Variants in SLC66A2 observed in about 807,000 individuals in gnomAD.
SLC66A2 encodes solute carrier family 66 member 2, also known as PQ loop repeat containing 1.
In SLC66A2, 23 loss-of-function variants were observed where a neutral mutation model predicts 25.5. That is an observed-to-expected ratio of 0.90 (90% CI 0.65 to 1.28). The LOEUF is 1.28. SLC66A2 is among the 50% of genes most tolerant of loss of function. The pLI is 0.00. For missense variants in SLC66A2, 396 were observed against 373.1 expected, an observed-to-expected ratio of 1.06 and a Z score of -0.51; for synonymous variants, 193 against 166.5, an observed-to-expected ratio of 1.16 and a Z score of -1.23.
At chr18:79,942,694 A>G (rs1376876188) in intron 3 of SLC66A2, among the ~76,000 whole-genome samples, 1 of 152,160 alleles carries the variant, frequency 6.6e-6, no homozygotes, top group East Asian at 1.9e-4. Flanking sequence ...GCATGTTCAA[A>G]CAGAGTTCAG....
rs1256150321 is a variant in SLC66A2, at chr18:79,918,179, G to T, written c.608+1005C>A. 6.6e-6 allele frequency among the ~76,000 whole-genome samples: 1 copy of T among 152,160 alleles called. No homozygotes were observed. Among genetic ancestry groups the T allele is most frequent in the African/African-American group, 2.4e-5 (1 of 41,422 alleles). On this transcript the variant is annotated intron_variant, in intron 5 of 5. Transcript: ENST00000397778. The surrounding 1 kb of genome is among the most constrained non-coding windows in gnomAD (Gnocchi z 4.0). ...ACGCCAAACCTGCAAATACTCAGAG[G>T]TCTCTGAAAGCCCTCAAGAGAGTGC...
chr18:79,940,313 T>C lies in SLC66A2; in HGVS notation c.337+3016A>G, dbSNP rs1045765931. ...TTAATACCTGGGTGATGAAATAATCTGCACACTGGCCGGGCGCAGTGGGTC... is the reference window on the plus strand; with the variant it reads ...TTAATACCTGGGTGATGAAATAATCCGCACACTGGCCGGGCGCAGTGGGTC... On this transcript the variant is annotated intron_variant, in intron 3 of 5. Transcript: ENST00000397778. The surrounding 1 kb of genome is among the most constrained non-coding windows in gnomAD (Gnocchi z 4.1). Among the ~76,000 whole-genome samples the C allele has an allele frequency of 2.0e-5, 3 of 152,072 alleles. No homozygotes were observed. Among genetic ancestry groups the C allele is most frequent in the Admixed American group, 2.0e-4 (3 of 15,262 alleles).
rs988070963 is a variant in SLC66A2, at chr18:79,917,215, G to A, written c.608+1969C>T. ...GGCCAGCATCTGGAAACTCGGGTTT[G>A]AAGAGGATTCCCACGTCCCCCCAGC... On this transcript the variant is annotated intron_variant, in intron 5 of 5. Transcript: ENST00000397778. This position sits in a 1 kb window ranked among gnomAD's most constrained non-coding sequence, Gnocchi z 6.0. 6.6e-6 allele frequency among the ~76,000 whole-genome samples: 1 copy of A among 152,250 alleles called. No homozygotes were observed. Among genetic ancestry groups the A allele is most frequent in the Non-Finnish European group, 1.5e-5 (1 of 68,040 alleles).
intron 5 of SLC66A2, among the ~76,000 whole-genome samples, chr18:79,905,090 A>G (rs1178942950): frequency 6.6e-6 from 1 of 152,132 alleles, no homozygotes. Context: ...AACCCGCAGG[A>G]GACAGCCGGC....
chr18:79,914,946 A>T (rs1376988132), intron 5 of SLC66A2, among the ~76,000 whole-genome samples: 1 of 152,248 alleles, frequency 6.6e-6, no homozygotes, highest in Non-Finnish European at 1.5e-5. Flanking sequence ...CACTCGGGTG[A>T]TACTAAAACC....
chr18:79,911,534 G>C (rs550831761), intron 5 of SLC66A2, among the ~76,000 whole-genome samples: 3 of 152,206 alleles, frequency 2.0e-5, no homozygotes, highest in Non-Finnish European at 4.4e-5. Context: ...TAGCGTCCCC[G>C]GGGCCCTGAC....
intron 3 of SLC66A2, among the ~76,000 whole-genome samples, chr18:79,942,536 CAA>C (rs1267984473): frequency 1.3e-5 from 2 of 152,188 alleles, no homozygotes; most frequent in African/African-American, 4.8e-5. Context: ...CCAAACTTAA[CAA>C]ACTCTGGGAA....
intron 2 of SLC66A2, among the ~76,000 whole-genome samples, chr18:79,946,018 A>C (rs1181263546): frequency 6.6e-6 from 1 of 152,222 alleles, no homozygotes; most frequent in African/African-American, 2.4e-5. Context: ...CATTTTGGCC[A>C]CTCTGTGTGA....
chr18:79,932,895 C>G (rs769881296), intron 4 of SLC66A2, among the ~76,000 whole-genome samples: 3 of 152,182 alleles, frequency 2.0e-5, no homozygotes, highest in Non-Finnish European at 4.4e-5. Context: ...TTAGTGTCAA[C>G]CCTTTGCAAA....
In SLC66A2 at chr18:79,950,869, C is replaced by T; in HGVS notation, c.58G>A (p.Gly20Ser). ...LVPLHQLVSW[G>S]AAAAMVFGGV... The stretch of plus-strand genomic sequence containing the variant: ...CCGAAGACCATGGCCGCGGCCGCGC[C>T]CCAGGACACCAGCTGGTGCAGTGGC... The change falls in exon 2 of 6, where the codon GGC (glycine) becomes AGC (serine). Residue 20 changes from glycine to serine, a missense_variant. Physicochemically the swap from Gly to Ser is moderately conservative, Grantham distance 56 (BLOSUM62 0). Coordinates refer to ENST00000397778, the MANE Select transcript of SLC66A2 (RefSeq NM_025078.5). The T allele has an allele frequency of 6.2e-7, 1 of 1,607,580 alleles. No homozygotes were observed. The highest frequency in any genetic ancestry group is 8.5e-7 in the Non-Finnish European group (1 of 1,177,868).
At chr18:79,913,161 A>G (rs1983491593) in intron 5 of SLC66A2, among the ~76,000 whole-genome samples, 2 of 152,286 alleles carry the variant, frequency 1.3e-5, no homozygotes, top group Non-Finnish European at 2.9e-5. Context: ...TGCAGGCACC[A>G]TGCCACACCT....
Position 79,918,349 on chromosome 18 carries a change from C to T in SLC66A2, c.608+835G>A, listed in dbSNP as rs967632947. On this transcript the variant is annotated intron_variant, in intron 5 of 5. Coordinates refer to ENST00000397778, the MANE Select transcript of SLC66A2 (RefSeq NM_025078.5). The surrounding 1 kb of genome is among the most constrained non-coding windows in gnomAD (Gnocchi z 4.0). ...TGTATTGGAGACCAGACTCAAGCAA[C>T]GTGTGGGGGCTCAGGGTGTTCTCCG... 2.0e-5 allele frequency among the ~76,000 whole-genome samples: 3 copies of T among 148,726 alleles called. No homozygotes were observed. The highest frequency in any genetic ancestry group is 4.5e-5 in the Non-Finnish European group (3 of 66,768).
At chr18:79,909,894 C>CAT (rs1982763819) in intron 5 of SLC66A2, among the ~76,000 whole-genome samples, 1 of 134,752 alleles carries the variant, frequency 7.4e-6, no homozygotes, top group African/African-American at 2.8e-5. Context: ...TTCCCCACAC[C>CAT]CTCACCATAG....
chr18:79,944,562 G>C (rs888452574), intron 2 of SLC66A2: 1 of 152,428 alleles, frequency 6.6e-6, no homozygotes, highest in Admixed American at 6.5e-5. Flanking sequence ...CCACAGAGCT[G>C]GGACACATGC....
chr18:79,935,052 C>G (rs768706275), intron 3 of SLC66A2, among the ~76,000 whole-genome samples: 14 of 152,010 alleles, frequency 9.2e-5, no homozygotes, highest in Middle Eastern at 3.4e-3. Flanking sequence ...ATGGGTCCCT[C>G]AGCTCGTCCT....
chr18:79,943,605 CCT>C, intron 2 of SLC66A2, 143 bp from the exon 3 acceptor site: 1 of 978,904 alleles, frequency 1.0e-6, no homozygotes, highest in South Asian at 1.6e-5. Flanking sequence ...CCGGAGAGAC[CCT>C]GTGTCAGGCC....
At chr18:79,932,445 T>C (rs917648040) in intron 4 of SLC66A2, among the ~76,000 whole-genome samples, 1 of 151,864 alleles carries the variant, frequency 6.6e-6, no homozygotes, top group African/African-American at 2.4e-5. Flanking sequence ...ATTGGTTCTC[T>C]GATAGGCAAT....
chr18:79,918,555 GAGC>G lies in SLC66A2; in HGVS notation c.608+626_608+628del, dbSNP rs1208688826. Among the ~76,000 whole-genome samples the G allele has an allele frequency of 6.6e-6, 1 of 152,210 alleles. No homozygotes were observed. Among genetic ancestry groups the G allele is most frequent in the Non-Finnish European group, 1.5e-5 (1 of 68,028 alleles). On this transcript the variant is annotated intron_variant, in intron 5 of 5. Transcript: ENST00000397778. This position sits in a 1 kb window ranked among gnomAD's most constrained non-coding sequence, Gnocchi z 4.0. ...TAGAGTTTTCTGCCCCCGCCACAGC[GAGC>G]AGATCTGTTTTTATTACAATGCAGT...
chr18:79,939,220 T>C (rs1987413561), intron 3 of SLC66A2, among the ~76,000 whole-genome samples: 1 of 152,260 alleles, frequency 6.6e-6, no homozygotes, highest in Non-Finnish European at 1.5e-5. Flanking sequence ...TGACCATCCA[T>C]GAGCACAGTG....
Sources: gnomAD v4.1 joint callset for allele counts (sites outside exome capture counted in the v4.1 genomes callset) on GRCh38, gnomAD v4.1.1 for gene constraint, Gnocchi (gnomAD v3.1) non-coding constraint, MANE v1.5 for transcripts, NCBI Gene and HGNC (gene_info 2026-07-23, HGNC 2026-07-21) for gene names.